Variants in NASP observed in about 807,000 individuals in gnomAD.
The protein encoded by NASP is nuclear autoantigenic sperm protein.
Under a neutral mutation model 89.5 loss-of-function variants are expected in NASP, and 24 were observed. The ratio of observed to expected loss-of-function variants is 0.27; its 90% CI spans 0.19 to 0.38. The LOEUF (loss-of-function observed/expected upper bound fraction) is 0.38, where lower values mean the gene tolerates loss of function less well. NASP is among the 10% of genes least tolerant of loss of function. NASP has a pLI of 1.00. For synonymous variants in NASP, 306 were observed against 324.7 expected (o/e 0.94, Z 0.62); for missense variants, 848 against 921.4 (o/e 0.92, Z 1.03).
intron 7 of NASP, among the ~76,000 whole-genome samples, chr1:45,613,783 C>T (rs1216564394): frequency 1.3e-5 from 2 of 152,142 alleles, no homozygotes; most frequent in Non-Finnish European, 2.9e-5. Context: ...CCACCATGCC[C>T]AGCCCTAGGC....
intron 1 of NASP, among the ~76,000 whole-genome samples, chr1:45,585,496 A>G (rs1204733076): frequency 6.6e-6 from 1 of 152,172 alleles, no homozygotes; most frequent in Admixed American, 6.5e-5. Context: ...CTCATGGGAA[A>G]TACAATTTTA....
chr1:45,613,272 T>C, intron 7 of NASP, 24 bp downstream of exon 7: 1 of 1,592,630 alleles, frequency 6.3e-7, no homozygotes, highest in Non-Finnish European at 8.5e-7. Context: ...CACTCAGTAC[T>C]GTTGTCAGCC....
chr1:45,595,767 G>A (rs766258288), intron 2 of NASP, among the ~76,000 whole-genome samples: 4 of 152,170 alleles, frequency 2.6e-5, no homozygotes, highest in Admixed American at 6.5e-5. Flanking sequence ...ATGATGAAGC[G>A]TTACAAACTG....
At chr1:45,614,029 T>TA in intron 7 of NASP, 67 bp from the exon 8 acceptor site, 2 of 1,293,714 alleles carry the variant, frequency 1.5e-6, no homozygotes, top group Non-Finnish European at 2.2e-6. Flanking sequence ...TAAGCTACGC[T>TA]AAGTTATACA....
chr1:45,594,197 C>G (rs374085999), intron 2 of NASP, among the ~76,000 whole-genome samples: 1 of 151,986 alleles, frequency 6.6e-6, no homozygotes. Flanking sequence ...GTCGTGGTGG[C>G]TAGCGCCTGT....
chr1:45,586,262 GTGTGTGTGTGTGTGTGTGTGTGGTGT>G (rs1644535989), intron 1 of NASP, among the ~76,000 whole-genome samples: 2 of 67,520 alleles, frequency 3.0e-5, no homozygotes, highest in African/African-American at 1.3e-4. Context: ...GTGTGTGTGT[GTGTGTGTGTGTGTGTGTGTGTGGTGT>G]GTGTGTGTGT....
In NASP at chr1:45,618,749, C is replaced by T. The variant is rs1486582215; in HGVS notation, c.*608C>T. The T allele has an allele frequency of 1.3e-5, 2 of 152,920 alleles. No homozygotes were observed. The highest frequency in any genetic ancestry group is 2.9e-5 in the Non-Finnish European group (2 of 68,574). The allele number at this position is 152,920 out of a possible 1,614,324, so 9.5% of individuals were successfully genotyped here. A position where few individuals can be genotyped will look rare whatever the true frequency, so the allele number is the denominator to read the frequency against. The stretch of plus-strand genomic sequence containing the variant: ...AGTAGCCAAGGGGACTGATGGTGGA[C>T]ACTCCAGATGTGGTTGGAAGCATAT... On this transcript the variant is annotated 3_prime_UTR_variant, in exon 15 of 15. Transcript: ENST00000350030.
chr1:45,589,629 G>T (rs996012168), intron 1 of NASP, among the ~76,000 whole-genome samples: 2 of 152,320 alleles, frequency 1.3e-5, no homozygotes, highest in Admixed American at 6.5e-5. Context: ...GCTGGGCGCA[G>T]TGGCTCACAC....
intron 1 of NASP, among the ~76,000 whole-genome samples, chr1:45,589,600 T>TA (rs1202692900): frequency 6.6e-6 from 1 of 151,966 alleles, no homozygotes; most frequent in African/African-American, 2.4e-5. Context: ...ATTAACATTT[T>TA]AAAAAATAAC....
At chr1:45,591,149 T>G in intron 1 of NASP, 74 bp from the exon 2 acceptor site, 1 of 896,710 alleles carries the variant, frequency 1.1e-6, no homozygotes, top group Non-Finnish European at 1.7e-6. Context: ...TATATTTTTC[T>G]GAATTTATTT....
intron 2 of NASP, 32 bp from the exon 3 acceptor site, chr1:45,602,223 A>T (rs773520509): frequency 6.2e-7 from 1 of 1,603,498 alleles, no homozygotes; most frequent in Non-Finnish European, 8.5e-7. Flanking sequence ...TTTAAACAGT[A>T]CTTGACACTA....
At chr1:45,610,314 A>T (rs1003557927) in intron 6 of NASP, 2 of 152,176 alleles carry the variant, frequency 1.3e-5, no homozygotes. Context: ...TTCTGCTTGT[A>T]AAGACAATAC....
At chr1:45,603,010 C>T (rs549930188) in intron 3 of NASP, among the ~76,000 whole-genome samples, 2 of 152,272 alleles carry the variant, frequency 1.3e-5, no homozygotes, top group Admixed American at 1.3e-4. Context: ...ATTGATAGTG[C>T]TATTATTAGC....
chr1:45,585,903 T>C (rs1054798616), intron 1 of NASP, among the ~76,000 whole-genome samples: 11 of 152,240 alleles, frequency 7.2e-5, no homozygotes, highest in African/African-American at 2.6e-4. Flanking sequence ...CCTCCCAAAG[T>C]GTTGAGGTTA....
At chr1:45,591,194 A>AT (rs779295659) in intron 1 of NASP, 29 bp from the exon 2 acceptor site, 5 of 1,425,062 alleles carry the variant, frequency 3.5e-6, no homozygotes, top group East Asian at 2.4e-5. Flanking sequence ...CCAGTTTTAC[A>AT]TTTTTTCCCC....
Position 45,615,451 on chromosome 1 carries a change from C to G in NASP, c.2002C>G (p.Leu668Val). ...ESQRSGNVAELALKATLVESS... is the reference protein window; with the variant it reads ...ESQRSGNVAEVALKATLVESS... ...TCAGCGTAGTGGGAATGTAGCTGAA[C>G]TGGCTCTGAAAGCTACTCTGGTTGG... Residue 668 changes from leucine to valine, a missense_variant, in exon 11 of 15, where the codon CTG (leucine) becomes GTG (valine). Around this residue, in one of 5 missense-constraint regions of NASP, gnomAD observed 218 missense variants for 219.6 expected, o/e 0.99. Transcript: ENST00000350030. 1.2e-6 allele frequency: 2 copies of G among 1,613,296 alleles called. No individual in the cohort carries two copies. Among genetic ancestry groups the G allele is most frequent in the Admixed American group, 1.7e-5 (1 of 59,800 alleles).
chr1:45,597,928 C>T (rs1454158630), intron 2 of NASP, among the ~76,000 whole-genome samples: 1 of 152,304 alleles, frequency 6.6e-6, no homozygotes, highest in East Asian at 1.9e-4. Context: ...TCATACTTCC[C>T]TTCGTCTATT....
At chr1:45,597,839 C>T (rs1011012951) in intron 2 of NASP, among the ~76,000 whole-genome samples, 1 of 152,128 alleles carries the variant, frequency 6.6e-6, no homozygotes, top group Non-Finnish European at 1.5e-5. Context: ...CTTTATGCAA[C>T]AATACTCTTC....
intron 2 of NASP, among the ~76,000 whole-genome samples, chr1:45,597,328 A>G (rs1407799490): frequency 7.4e-6 from 1 of 135,520 alleles, no homozygotes; most frequent in Non-Finnish European, 1.6e-5. Flanking sequence ...TTTTTAAGAC[A>G]AATGACCACT....
Sources: gnomAD v4.1 joint callset for allele counts (sites outside exome capture counted in the v4.1 genomes callset) on GRCh38, gnomAD v4.1.1 for gene constraint, gnomAD v4.1.1 regional missense constraint, MANE v1.5 for transcripts, NCBI Gene and HGNC (gene_info 2026-07-23, HGNC 2026-07-21) for gene names.